ADGRG6: variants seen among roughly 807,000 people sequenced by gnomAD.
ADGRG6 encodes adhesion G protein-coupled receptor G6.
A neutral mutation model predicts 142.4 loss-of-function variants in ADGRG6; 84 were observed. The observed-to-expected ratio is 0.59, with a 90% CI of 0.49 to 0.71. The LOEUF (loss-of-function observed/expected upper bound fraction) is 0.71. Among genes scored for constraint, ADGRG6 ranks in the 30% least tolerant of loss-of-function variants. ADGRG6 has a pLI of 0.00. For missense variants in ADGRG6, 1,367 were observed against 1,466.6 expected, an observed-to-expected ratio of 0.93 and a Z score of 1.11; for synonymous variants, 521 against 520.5, an observed-to-expected ratio of 1.00 and a Z score of -0.01.
chr6:142,405,919 T>G (rs1775781455), intron 15 of ADGRG6, 91 bp downstream of exon 15: 1 of 900,562 alleles, frequency 1.1e-6, no homozygotes, highest in Non-Finnish European at 1.6e-6. Flanking sequence ...TTGAAATATA[T>G]CAGAAGGTTT....
At chr6:142,411,534 C>A in intron 18 of ADGRG6, 123 bp downstream of exon 18, 1 of 617,590 alleles carries the variant, frequency 1.6e-6, no homozygotes, top group Non-Finnish European at 3.0e-6. Context: ...TCATCTGTAC[C>A]GTGAATCTTA....
intron 22 of ADGRG6, among the ~76,000 whole-genome samples, chr6:142,422,146 A>G (rs1407094755): frequency 1.3e-5 from 2 of 151,558 alleles, no homozygotes; most frequent in African/African-American, 2.4e-5. Flanking sequence ...GGCAAACTAC[A>G]TTATATCTAA....
intron 2 of ADGRG6, among the ~76,000 whole-genome samples, chr6:142,341,628 A>AATATATAAT (rs529723017): frequency 7.6e-6 from 1 of 131,758 alleles, no homozygotes; most frequent in African/African-American, 2.9e-5. Context: ...TAGTATATAT[A>AATATATAAT]ATATATAATA....
intron 9 of ADGRG6, among the ~76,000 whole-genome samples, chr6:142,394,866 T>C (rs990134251): frequency 6.6e-6 from 1 of 152,042 alleles, no homozygotes; most frequent in African/African-American, 2.4e-5. Flanking sequence ...TGGGATTACA[T>C]GTACAGGCGT....
At chr6:142,424,809 G>A (rs566346083) in intron 22 of ADGRG6, among the ~76,000 whole-genome samples, 2 of 152,184 alleles carry the variant, frequency 1.3e-5, no homozygotes, top group Non-Finnish European at 2.9e-5. Context: ...TTATATTCTA[G>A]TAGGGGAGAC....
chr6:142,347,197 A>G (rs1223193813), intron 2 of ADGRG6, among the ~76,000 whole-genome samples: 1 of 152,200 alleles, frequency 6.6e-6, no homozygotes, highest in Non-Finnish European at 1.5e-5. Flanking sequence ...TCACTGTCCA[A>G]GAGGGAACAG....
intron 2 of ADGRG6, among the ~76,000 whole-genome samples, chr6:142,310,411 C>A (rs893955782): frequency 1.3e-5 from 2 of 151,308 alleles, no homozygotes; most frequent in Non-Finnish European, 1.5e-5. Context: ...ATGTATTAGG[C>A]TTATTATGTT....
chr6:142,321,299 A>ACACG (rs1259800293), intron 2 of ADGRG6, among the ~76,000 whole-genome samples: 1 of 151,512 alleles, frequency 6.6e-6, no homozygotes, highest in African/African-American at 2.4e-5. Flanking sequence ...ACACACACAC[A>ACACG]CACACACACA....
chr6:142,353,501 T>G (rs551052782), intron 2 of ADGRG6, among the ~76,000 whole-genome samples: 96 of 152,294 alleles, frequency 6.3e-4, no homozygotes, highest in African/African-American at 2.2e-3. Context: ...TTAAAAAGTT[T>G]CTTTTTTTAA....
intron 23 of ADGRG6, chr6:142,437,968 C>T: frequency 3.4e-6 from 1 of 292,366 alleles, no homozygotes. Context: ...TTTCTTTTTA[C>T]TGTCAGTGGT....
intron 2 of ADGRG6, among the ~76,000 whole-genome samples, chr6:142,340,879 C>A (rs1779588471): frequency 6.6e-6 from 1 of 152,040 alleles, no homozygotes; most frequent in Admixed American, 6.6e-5. Context: ...GAGTACTGCC[C>A]TGTTACATCA....
intron 22 of ADGRG6, among the ~76,000 whole-genome samples, chr6:142,435,551 A>G (rs549954668): frequency 6.6e-6 from 1 of 151,350 alleles, no homozygotes; most frequent in African/African-American, 2.4e-5. Context: ...GTATACATGT[A>G]AGCATTCAAT....
chr6:142,414,643 T>G (rs1002552923), intron 18 of ADGRG6, among the ~76,000 whole-genome samples: 4 of 152,200 alleles, frequency 2.6e-5, no homozygotes, highest in Admixed American at 2.0e-4. Context: ...TGGTTTATTA[T>G]GCAAGGCAAC....
chr6:142,385,494 T>C (rs745549326), intron 6 of ADGRG6, among the ~76,000 whole-genome samples: 11 of 151,974 alleles, frequency 7.2e-5, no homozygotes, highest in Non-Finnish European at 1.5e-4. Context: ...ATTTACTATG[T>C]TTTTTTTCCT....
At chr6:142,371,467 A>G (rs1177842139) in intron 4 of ADGRG6, among the ~76,000 whole-genome samples, 1 of 140,748 alleles carries the variant, frequency 7.1e-6, no homozygotes, top group African/African-American at 2.7e-5. Context: ...CTGCCTGGCC[A>G]GTTACTGTTT....
At chr6:142,407,284 C>G (rs905608597) in intron 15 of ADGRG6, among the ~76,000 whole-genome samples, 16 of 150,196 alleles carry the variant, frequency 1.1e-4, no homozygotes, top group Non-Finnish European at 2.1e-4. Context: ...GGGCAAGGTA[C>G]GATGGTGATG....
At chr6:142,307,614 G>T (rs866881681) in intron 1 of ADGRG6, among the ~76,000 whole-genome samples, 1 of 151,972 alleles carries the variant, frequency 6.6e-6, no homozygotes, top group African/African-American at 2.4e-5. Context: ...AAGACTAAGG[G>T]TTTAAGTACT....
Position 142,305,176 on chromosome 6 carries a change from G to T in ADGRG6, c.2+2845G>T, listed in dbSNP as rs147497492. On this transcript the variant is annotated intron_variant, in intron 1 of 24. Coordinates refer to ENST00000367609, the MANE Select transcript of ADGRG6 (RefSeq NM_198569.3). ...GCAACTTCTTTTATCAAAGTGACAG[G>T]GATTAAAGCAATAATACTCAATAGT... 9.5e-3 allele frequency among the ~76,000 whole-genome samples: 1,447 copies of T among 152,078 alleles called. 26 individuals carry two copies. Among genetic ancestry groups the T allele is most frequent in the African/African-American group, 0.033 (1,382 of 41,450 alleles).
At chr6:142,433,571 T>C (rs1158498930) in intron 22 of ADGRG6, among the ~76,000 whole-genome samples, 2 of 152,194 alleles carry the variant, frequency 1.3e-5, no homozygotes, top group African/African-American at 4.8e-5. Flanking sequence ...TGAGGGATTC[T>C]GAGTATAGAA....
Sources: gnomAD v4.1 joint callset for allele counts (sites outside exome capture counted in the v4.1 genomes callset) on GRCh38, gnomAD v4.1.1 for gene constraint, MANE v1.5 for transcripts, NCBI Gene and HGNC (gene_info 2026-07-23, HGNC 2026-07-21) for gene names.